The following PPP4R4 variants were observed in gnomAD, a reference collection of about 807,000 sequenced individuals.
PPP4R4 encodes serine/threonine-protein phosphatase 4 regulatory subunit 4.
Under a neutral mutation model 121.8 loss-of-function variants are expected in PPP4R4, and 70 were observed. That is an observed-to-expected ratio of 0.57 (90% CI 0.47 to 0.70). PPP4R4 has a LOEUF of 0.70. Ranked by LOEUF, PPP4R4 falls within the 30% of genes least tolerant of loss-of-function variation. The probability of loss-of-function intolerance (pLI) is 0.00; values close to 1 mark genes in which losing one functional copy is unlikely to be tolerated. For missense variants in PPP4R4, 875 were observed against 1,033.6 expected (o/e 0.85, Z 2.10); for synonymous variants, 348 against 355.7 (o/e 0.98, Z 0.24).
intron 23 of PPP4R4, among the ~76,000 whole-genome samples, chr14:94,272,441 C>A (rs534918171): frequency 6.6e-6 from 1 of 152,264 alleles, no homozygotes; most frequent in Non-Finnish European, 1.5e-5. Flanking sequence ...GCAGCTGGAA[C>A]AATAGGACAC....
In PPP4R4 at chr14:94,176,114, G is replaced by C. The variant is rs576613386; in HGVS notation, c.178G>C (p.Val60Leu). The C allele has an allele frequency of 6.2e-7, 1 of 1,609,878 alleles. No homozygotes were observed. The highest frequency in any genetic ancestry group is 2.2e-5 in the East Asian group (1 of 44,872). Residue 60 changes from valine (V) to leucine (L), a missense_variant, in exon 2 of 25, where the codon GTT becomes CTT. Transcript: ENST00000304338. The part of the protein sequence containing the change: ...DEDLSDIERA[V>L]YLLSAGQDVQ... ...AGACCTCAGTGATATTGAAAGGGCT[G>C]TTTATCTGCTCAGGTATTTCCTAGT... is the stretch of plus-strand genomic sequence containing the variant.
chr14:94,274,440 A>G (rs977316204), intron 23 of PPP4R4, among the ~76,000 whole-genome samples: 4 of 152,208 alleles, frequency 2.6e-5, no homozygotes, highest in African/African-American at 9.6e-5. Flanking sequence ...TGTAAAAATT[A>G]GGCAACCAAT....
intron 3 of PPP4R4, among the ~76,000 whole-genome samples, chr14:94,214,486 G>A (rs1179600503): frequency 6.7e-6 from 1 of 149,210 alleles, no homozygotes; most frequent in South Asian, 2.1e-4. Context: ...GGGCGGCATA[G>A]CAAGACCTTG....
At chr14:94,186,596 T>A (rs1343325396) in intron 2 of PPP4R4, among the ~76,000 whole-genome samples, 1 of 152,232 alleles carries the variant, frequency 6.6e-6, no homozygotes, top group Non-Finnish European at 1.5e-5. Context: ...GACATGTGCT[T>A]TCCTTCCTCT....
intron 2 of PPP4R4, among the ~76,000 whole-genome samples, chr14:94,190,498 G>T (rs904243286): frequency 6.6e-6 from 1 of 152,062 alleles, no homozygotes; most frequent in African/African-American, 2.4e-5. Flanking sequence ...CTACTCAGGA[G>T]GCTGAGGCAG....
intron 3 of PPP4R4, chr14:94,227,285 G>A (rs747153383): frequency 1.2e-6 from 2 of 1,606,326 alleles, no homozygotes; most frequent in East Asian, 4.5e-5. Context: ...TGTCTTCCAA[G>A]GTCCATGAGG....
intron 2 of PPP4R4, among the ~76,000 whole-genome samples, chr14:94,193,190 A>G (rs1456404480): frequency 6.6e-6 from 1 of 152,144 alleles, no homozygotes; most frequent in Non-Finnish European, 1.5e-5. Context: ...TTTTAAAAGC[A>G]TTAAGCAGCA....
intron 2 of PPP4R4, among the ~76,000 whole-genome samples, chr14:94,189,884 G>T (rs560734408): frequency 6.6e-6 from 1 of 152,240 alleles, no homozygotes; most frequent in Non-Finnish European, 1.5e-5. Flanking sequence ...AGCATTATTG[G>T]ATTGTGTTGG....
chr14:94,247,353 C>T (rs968994740), intron 14 of PPP4R4, among the ~76,000 whole-genome samples: 1 of 152,232 alleles, frequency 6.6e-6, no homozygotes, highest in Non-Finnish European at 1.5e-5. Flanking sequence ...GGGCCCCACA[C>T]TCATCTGCTG....
chr14:94,202,673 C>G (rs1304545307), intron 2 of PPP4R4, among the ~76,000 whole-genome samples: 1 of 152,122 alleles, frequency 6.6e-6, no homozygotes, highest in Non-Finnish European at 1.5e-5. Flanking sequence ...GTTACATTAA[C>G]TGATTTCAAA....
rs1197379852 is a variant in PPP4R4 at position 94,182,082 on chromosome 14, GATAC to G, written c.191+5960_191+5963del. On this transcript the variant is annotated intron_variant, in intron 2 of 24. Transcript: ENST00000304338. The stretch of plus-strand genomic sequence containing the variant: ...ATCTCAAACACCTTTGTTTGAGAGA[GATAC>G]ATACCATCTCCTTTCCAAGTGTGCT... Among the ~76,000 whole-genome samples, 6 of 152,124 alleles carry G rather than the reference GATAC, an allele frequency of 3.9e-5. No individual in the cohort carries two copies. In the East Asian group the frequency reaches 1.2e-3, roughly 29 times the overall value.
chr14:94,205,208 T>G (rs1890397237), intron 2 of PPP4R4, among the ~76,000 whole-genome samples: 1 of 152,164 alleles, frequency 6.6e-6, no homozygotes, highest in Non-Finnish European at 1.5e-5. Flanking sequence ...TTGAAAATAT[T>G]AATTCAATTT....
intron 14 of PPP4R4, among the ~76,000 whole-genome samples, chr14:94,248,778 A>G (rs1006708202): frequency 6.6e-6 from 1 of 152,150 alleles, no homozygotes; most frequent in African/African-American, 2.4e-5. Context: ...CTTTGTCCAC[A>G]TTGGTTATTT....
intron 23 of PPP4R4, among the ~76,000 whole-genome samples, chr14:94,268,914 G>T (rs1380091788): frequency 6.6e-6 from 1 of 152,072 alleles, no homozygotes; most frequent in Non-Finnish European, 1.5e-5. Flanking sequence ...TATATCATGA[G>T]AGTAAATATT....
chr14:94,196,370 T>C (rs1047595158), intron 2 of PPP4R4, among the ~76,000 whole-genome samples: 3 of 141,252 alleles, frequency 2.1e-5, no homozygotes, highest in Non-Finnish European at 4.5e-5. Flanking sequence ...TGGAGTGCAG[T>C]GGCACAATCT....
intron 2 of PPP4R4, among the ~76,000 whole-genome samples, chr14:94,196,180 TA>T (rs1889856478): frequency 2.0e-5 from 3 of 151,220 alleles, no homozygotes; most frequent in East Asian, 1.9e-4. Flanking sequence ...TTTTTTGACT[TA>T]AAAAAAATTC....
chr14:94,199,948 C>A (rs1426473528), intron 2 of PPP4R4, among the ~76,000 whole-genome samples: 1 of 151,924 alleles, frequency 6.6e-6, no homozygotes, highest in Non-Finnish European at 1.5e-5. Context: ...CCAGGGTGGT[C>A]TTGGGAAATG....
At chr14:94,265,689 C>A in intron 21 of PPP4R4, 105 bp from the exon 22 acceptor site, 1 of 921,702 alleles carries the variant, frequency 1.1e-6, no homozygotes, top group Non-Finnish European at 1.7e-6. Flanking sequence ...AAGGCTAAAG[C>A]CATCTGTGTT....
intron 3 of PPP4R4, among the ~76,000 whole-genome samples, chr14:94,221,601 C>A (rs893311930): frequency 2.0e-5 from 3 of 151,996 alleles, no homozygotes; most frequent in Non-Finnish European, 4.4e-5. Flanking sequence ...TGTTCAACAT[C>A]ATTAGTCATT....
Sources: gnomAD v4.1 joint callset for allele counts (sites outside exome capture counted in the v4.1 genomes callset) on GRCh38, gnomAD v4.1.1 for gene constraint, MANE v1.5 for transcripts, NCBI Gene and HGNC (gene_info 2026-07-23, HGNC 2026-07-21) for gene names.